Variants in LDB2 observed in about 807,000 individuals in gnomAD.
The protein encoded by LDB2 is LIM domain-binding protein 2.
Under a neutral mutation model 44.3 loss-of-function variants are expected in LDB2, and 12 were observed. That is an observed-to-expected ratio of 0.27 (90% CI 0.17 to 0.44). The LOEUF (loss-of-function observed/expected upper bound fraction) is 0.44. Among genes scored for constraint, LDB2 ranks in the 20% least tolerant of loss-of-function variants. The probability of loss-of-function intolerance (pLI) is 1.00; values close to 1 mark genes in which losing one functional copy is unlikely to be tolerated. For synonymous variants in LDB2, 164 were observed against 174.8 expected (o/e 0.94, Z 0.49); for missense variants, 344 against 473.5 (o/e 0.73, Z 2.54).
chr4:16,741,851 TTCTGCAAGAATTTAAAGTC>T (rs1561064853), intron 2 of LDB2, among the ~76,000 whole-genome samples: 2 of 152,170 alleles, frequency 1.3e-5, no homozygotes, highest in African/African-American at 4.8e-5. Context: ...AAACTCCTTA[TTCTGCAAGAATTTAAAGTC>T]TAAATTATCT....
chr4:16,608,246 G>C (rs1724515653), intron 2 of LDB2, among the ~76,000 whole-genome samples: 1 of 150,894 alleles, frequency 6.6e-6, no homozygotes, highest in African/African-American at 2.4e-5. Context: ...TGCATGCCAG[G>C]TCAGCATTCC....
intron 5 of LDB2, among the ~76,000 whole-genome samples, chr4:16,551,251 G>A (rs11733572): frequency 0.98 from 148,553 of 152,290 alleles, 72,507 homozygotes; most frequent in Non-Finnish European, 0.99. Flanking sequence ...CCAAAATGCT[G>A]AGATTTTTTA....
At chr4:16,571,664 T>G (rs1746575798) in intron 5 of LDB2, among the ~76,000 whole-genome samples, 1 of 152,196 alleles carries the variant, frequency 6.6e-6, no homozygotes, top group African/African-American at 2.4e-5. Context: ...TCTGTAAAAC[T>G]AGGCCATTAA....
intron 2 of LDB2, among the ~76,000 whole-genome samples, chr4:16,629,164 C>T (rs575228841): frequency 4.5e-4 from 69 of 152,364 alleles, no homozygotes; most frequent in African/African-American, 1.5e-3. Flanking sequence ...GCAAGGCCTA[C>T]TGCCTCTCTA....
intron 1 of LDB2, among the ~76,000 whole-genome samples, chr4:16,765,312 C>T (rs1768958800): frequency 1.3e-5 from 2 of 152,332 alleles, no homozygotes; most frequent in East Asian, 3.9e-4. Flanking sequence ...CAGCAGCTCA[C>T]GTGTCAGGGT....
At chr4:16,756,032 G>A (rs750912340) in intron 2 of LDB2, among the ~76,000 whole-genome samples, 4 of 152,184 alleles carry the variant, frequency 2.6e-5, no homozygotes, top group Admixed American at 6.5e-5. Context: ...TGGAGCACGT[G>A]GAGGAAGAGG....
intron 5 of LDB2, among the ~76,000 whole-genome samples, chr4:16,574,624 A>G (rs933620930): frequency 2.0e-5 from 3 of 152,206 alleles, no homozygotes; most frequent in African/African-American, 7.2e-5. Context: ...TTCACACATG[A>G]GAGAACTGGG....
intron 2 of LDB2, among the ~76,000 whole-genome samples, chr4:16,666,160 A>G (rs1258883053): frequency 1.3e-5 from 2 of 152,248 alleles, no homozygotes; most frequent in African/African-American, 2.4e-5. Flanking sequence ...TACCCCATAG[A>G]AACCTAAAGA....
At chr4:16,738,946 C>A (rs1762411735) in intron 2 of LDB2, among the ~76,000 whole-genome samples, 1 of 152,106 alleles carries the variant, frequency 6.6e-6, no homozygotes, top group African/African-American at 2.4e-5. Flanking sequence ...ATTCTTCTAA[C>A]TTGGGAAACT....
At chr4:16,750,600 C>T (rs1286784280) in intron 2 of LDB2, among the ~76,000 whole-genome samples, 1 of 152,184 alleles carries the variant, frequency 6.6e-6, no homozygotes, top group Admixed American at 6.5e-5. Context: ...GTCATGCTCA[C>T]ACCACATTGT....
chr4:16,825,496 CG>C (rs901163657), intron 1 of LDB2, among the ~76,000 whole-genome samples: 2 of 152,058 alleles, frequency 1.3e-5, no homozygotes, highest in Admixed American at 1.3e-4. Flanking sequence ...CCACATAATG[CG>C]GGTAAAGAAG....
At chr4:16,847,594 CAT>C (rs1491183260) in intron 1 of LDB2, among the ~76,000 whole-genome samples, 7 of 117,244 alleles carry the variant, frequency 6.0e-5, no homozygotes, top group South Asian at 3.2e-4. Flanking sequence ...TTCTTTAACA[CAT>C]GTTTGTTTGT....
chr4:16,563,015 A>G (rs575412220), intron 5 of LDB2, among the ~76,000 whole-genome samples: 4 of 149,914 alleles, frequency 2.7e-5, no homozygotes, highest in African/African-American at 7.3e-5. Context: ...GAATTGAACA[A>G]CGAGAACACA....
At chr4:16,664,025 A>C (rs1047965421) in intron 2 of LDB2, among the ~76,000 whole-genome samples, 1 of 131,236 alleles carries the variant, frequency 7.6e-6, no homozygotes, top group Non-Finnish European at 1.7e-5. Flanking sequence ...TTAAGTTTCA[A>C]TAAAAGAGAG....
chr4:16,756,846 C>G (rs1277618032), intron 2 of LDB2, among the ~76,000 whole-genome samples: 1 of 151,830 alleles, frequency 6.6e-6, no homozygotes, highest in Non-Finnish European at 1.5e-5. Flanking sequence ...AAAGGACCCC[C>G]CTAGACACCA....
intron 5 of LDB2, among the ~76,000 whole-genome samples, chr4:16,516,135 G>T (rs1213545208): frequency 6.6e-6 from 1 of 152,026 alleles, no homozygotes; most frequent in African/African-American, 2.4e-5. Context: ...AAAGTGCTGG[G>T]ATTACAGGCG....
intron 1 of LDB2, among the ~76,000 whole-genome samples, 154 bp downstream of exon 1, chr4:16,898,200 T>A (rs10032816): frequency 0.085 from 12,825 of 151,760 alleles, 1,784 homozygotes; most frequent in African/African-American, 0.29. Flanking sequence ...AAACCCAGCG[T>A]CCAAACTCGT....
At chr4:16,682,647 T>C (rs1748233310) in intron 2 of LDB2, among the ~76,000 whole-genome samples, 1 of 152,220 alleles carries the variant, frequency 6.6e-6, no homozygotes, top group Non-Finnish European at 1.5e-5. Context: ...TATGCTCAGC[T>C]TAGCACCTCC....
chr4:16,754,311 C>G (rs1766060737), intron 2 of LDB2, among the ~76,000 whole-genome samples: 1 of 152,178 alleles, frequency 6.6e-6, no homozygotes, highest in Non-Finnish European at 1.5e-5. Flanking sequence ...CATATGGACT[C>G]CCACCTGGCC....
Sources: allele counts gnomAD v4.1 joint callset (sites outside exome capture counted in the v4.1 genomes callset), GRCh38; gene constraint gnomAD v4.1.1; transcripts MANE v1.5; gene names NCBI Gene and HGNC (gene_info 2026-07-23, HGNC 2026-07-21).